CDKN2A: variants seen among roughly 807,000 people sequenced by gnomAD.
The protein encoded by CDKN2A is cyclin dependent kinase inhibitor 2A, also known as cyclin-dependent kinase inhibitor 2A.
CDKN2A carries 3 observed loss-of-function variants against 11.1 expected under a neutral mutation model. That is an observed-to-expected ratio of 0.27 (90% CI 0.12 to 0.70). The LOEUF is 0.70. Ranked by LOEUF, CDKN2A falls within the 30% of genes least tolerant of loss-of-function variation. The pLI, the probability that CDKN2A is intolerant of heterozygous loss-of-function variation, is 0.77. For missense variants in CDKN2A, 265 were observed against 233.6 expected, an observed-to-expected ratio of 1.13 and a Z score of -0.88; for synonymous variants, 122 against 108.1, an observed-to-expected ratio of 1.13 and a Z score of -0.80.
rs1391782562 is a variant in CDKN2A, at chr9:21,988,436, T to C, written c.-4+5446A>G. Among the ~76,000 whole-genome samples, 1 of 152,178 alleles carries C rather than the reference T, an allele frequency of 6.6e-6. No homozygotes were observed. Among genetic ancestry groups the C allele is most frequent in the African/African-American group, 2.4e-5 (1 of 41,442 alleles). On this transcript the variant is annotated intron_variant, in intron 2 of 3. Transcript: ENST00000494262. This position sits in a 1 kb window ranked among gnomAD's most constrained non-coding sequence, Gnocchi z 4.1. ...TTTCCCTTTTATTACTTCTTTTTGATTGTAGAGTTCTGCCCAAATGAAACC... is the reference window on the plus strand; with the variant it reads ...TTTCCCTTTTATTACTTCTTTTTGACTGTAGAGTTCTGCCCAAATGAAACC...
chr9:21,990,651 AAACTGTTT>A (rs1820411589), intron 2 of CDKN2A, among the ~76,000 whole-genome samples: 49 of 147,858 alleles, frequency 3.3e-4, no homozygotes, highest in African/African-American at 1.1e-3. Flanking sequence ...AGAGAGAGAG[AAACTGTTT>A]ACTGTTTGGA....
At chr9:21,975,667 T>A (rs1378064161), upstream of CDKN2A, among the ~76,000 whole-genome samples, 2 of 151,898 alleles carry the variant, frequency 1.3e-5, no homozygotes, top group Non-Finnish European at 2.9e-5. Context: ...AAAGATGAGG[T>A]TTATTTAATA....
intron 2 of CDKN2A, 53 bp downstream of exon 2, chr9:21,970,849 C>T (rs1455000578): frequency 6.3e-7 from 1 of 1,595,198 alleles, no homozygotes; most frequent in South Asian, 1.1e-5. Context: ...AAAATGAATG[C>T]TCTGAGCTTT....
chr9:21,971,550 T>G, intron 1 of CDKN2A: 5 of 318,482 alleles, frequency 1.6e-5, no homozygotes, highest in Non-Finnish European at 2.8e-5. Flanking sequence ...TGAAATTTCT[T>G]CCTGAAATTA....
At chr9:21,987,430 CACAGAGAG>C (rs1212663928) in intron 2 of CDKN2A, among the ~76,000 whole-genome samples, 1 of 121,208 alleles carries the variant, frequency 8.3e-6, no homozygotes, top group African/African-American at 3.1e-5. Context: ...CACACACACA[CACAGAGAG>C]AGAGAGAGAG....
chr9:21,981,777 T>A (rs1329362713), intron 2 of CDKN2A, among the ~76,000 whole-genome samples: 1 of 152,062 alleles, frequency 6.6e-6, no homozygotes, highest in East Asian at 1.9e-4. Context: ...TCGAGTCCAA[T>A]GTGGGTGGTA....
Position 21,988,803 on chromosome 9 carries a change from A to G in CDKN2A, c.-4+5079T>C, listed in dbSNP as rs1411940882. 1.3e-5 allele frequency among the ~76,000 whole-genome samples: 2 copies of G among 152,218 alleles called. No individual in the cohort carries two copies. The highest frequency in any genetic ancestry group is 4.8e-5 in the African/African-American group (2 of 41,444). ...GCACTATATTTTTAAAAATACCACT[A>G]TGTACAAGGCACTGTGCTATATCTG... On this transcript the variant is annotated intron_variant, in intron 2 of 3. Coordinates refer to the CDKN2A transcript ENST00000494262. This position sits in a 1 kb window ranked among gnomAD's most constrained non-coding sequence, Gnocchi z 4.1.
intron 2 of CDKN2A, 160 bp downstream of exon 2, chr9:21,970,742 G>C (rs1205266841): frequency 2.3e-6 from 2 of 874,614 alleles, no homozygotes; most frequent in Admixed American, 4.4e-5. Flanking sequence ...GCCCTGGCGG[G>C]GCAGGGCGAT....
At position 21,994,273 on chromosome 9, in the gene CDKN2A, AC is replaced by A. The variant is rs1563902931; in HGVS notation, c.-175-221del. On this transcript the variant is annotated intron_variant, in intron 1 of 3. Transcript: ENST00000494262. ...CGGGATGTGAACCACGAAAACCCTC[AC>A]TCGCGGCGGGCCGCACGCGCGCCGA... is the stretch of plus-strand genomic sequence containing the variant. 6.2e-7 allele frequency: 1 copy of A among 1,603,610 alleles called. No homozygotes were observed. The highest frequency in any genetic ancestry group is 8.5e-7 in the Non-Finnish European group (1 of 1,176,178).
In CDKN2A at chr9:21,974,668, C is replaced by G. The variant is rs557891718; in HGVS notation, c.150+10G>C. ...CCATCCCCTGCTCCCGCTGCAGACC[C>G]TCTACCCACCTGGATCGGCCTCCGA... On this transcript the variant is annotated intron_variant, in intron 1 of 2. Transcript: ENST00000304494. The surrounding 1 kb of genome is among the most constrained non-coding windows in gnomAD (Gnocchi z 5.2). The G allele has an allele frequency of 1.2e-6, 2 of 1,614,190 alleles. No homozygotes were observed. The highest frequency in any genetic ancestry group is 2.2e-5 in the South Asian group (2 of 91,088).
At chr9:21,981,658 G>A (rs1820201586) in intron 2 of CDKN2A, among the ~76,000 whole-genome samples, 1 of 144,504 alleles carries the variant, frequency 6.9e-6, no homozygotes, top group Admixed American at 7.0e-5. Context: ...TAGCTTCAAT[G>A]TCTTGATCTA....
chr9:21,992,275 C>T lies in CDKN2A; in HGVS notation c.-4+1607G>A, dbSNP rs3731192. The T allele has an allele frequency of 2.3e-5, 21 of 915,174 alleles. No homozygotes were observed. The African/African-American group carries it at 3.6e-4, about 16-fold the overall frequency. 56.7% of individuals were successfully genotyped at this position (915,174 alleles called of 1,614,324 possible). On this transcript the variant is annotated intron_variant, in intron 2 of 3. Transcript: ENST00000494262. ...CATATATATTCCCAAATCAATATAG[C>T]CATGGGCATAAAATATATTAATGTG...
chr9:21,992,940 A>T (rs1023731918), intron 2 of CDKN2A, among the ~76,000 whole-genome samples: 8 of 152,070 alleles, frequency 5.3e-5, no homozygotes, highest in African/African-American at 1.4e-4. Flanking sequence ...TGACTAAATT[A>T]AAAAAATTAA....
chr9:21,987,669 T>G (rs1273507470), intron 2 of CDKN2A, among the ~76,000 whole-genome samples: 1 of 152,118 alleles, frequency 6.6e-6, no homozygotes, highest in Admixed American at 6.5e-5. Context: ...AAGGGTCACA[T>G]AATAATAAAG....
chr9:21,968,118 G>A lies in CDKN2A; in HGVS notation c.*111C>T, dbSNP rs1819497202. The A allele has an allele frequency of 5.3e-6, 5 of 940,384 alleles. No homozygotes were observed. In the Admixed American group the frequency reaches 6.9e-5, roughly 13 times the overall value. The allele number at this position is 940,384 out of a possible 1,614,324, so 58.3% of individuals were successfully genotyped here. A position where few individuals can be genotyped will look rare whatever the true frequency, so the allele number is the denominator to read the frequency against. ...TTTTTAAAAGCTCTATTTTCTAAATGAAAACTACGAAAGCGGGGTGGGTTG... is the reference window on the plus strand; with the variant it reads ...TTTTTAAAAGCTCTATTTTCTAAATAAAAACTACGAAAGCGGGGTGGGTTG... On this transcript the variant is annotated 3_prime_UTR_variant, in exon 3 of 3. Transcript: ENST00000304494. The surrounding 1 kb of genome is among the most constrained non-coding windows in gnomAD (Gnocchi z 4.7).
At chr9:21,993,902 G>A (rs2131147109) in exon 2 of CDKN2A, 2 of 577,072 alleles carry the variant, frequency 3.5e-6, no homozygotes, top group East Asian at 6.1e-5. Context: ...GGTGGGTTTA[G>A]AAGCTCTGTT....
At chr9:21,971,422 C>A (rs1819742840) in intron 1 of CDKN2A, 2 of 1,422,576 alleles carry the variant, frequency 1.4e-6, no homozygotes, top group Non-Finnish European at 9.2e-7. Context: ...CGAACTTCTG[C>A]GGAGCTGTCG....
upstream of CDKN2A, among the ~76,000 whole-genome samples, chr9:21,977,977 T>C (rs1820080696): frequency 6.6e-6 from 1 of 152,210 alleles, no homozygotes. Context: ...GGTGTAAAAG[T>C]TGACTGCTTT....
rs1166121077 is a variant in CDKN2A at position 21,980,978 on chromosome 9, ATATATATACACG to A, written c.-3-9782_-3-9771del. Among the ~76,000 whole-genome samples the A allele has an allele frequency of 4.5e-5, 3 of 65,988 alleles. 1 individual carries two copies. The highest frequency in any genetic ancestry group is 1.9e-4 in the African/African-American group (3 of 15,808). The allele number at this position is 65,988 out of a possible 152,430, so 43.3% of individuals were successfully genotyped here. ...CGTCTCAAAAAAAAAAAATGTATAT[ATATATATACACG>A]TATATATATATACGTGTATATATAT... On this transcript the variant is annotated intron_variant, in intron 2 of 3. Transcript: ENST00000494262.
Sources: allele counts gnomAD v4.1 joint callset (sites outside exome capture counted in the v4.1 genomes callset), GRCh38; gene constraint gnomAD v4.1.1; non-coding constraint Gnocchi (gnomAD v3.1); transcripts MANE v1.5; gene names NCBI Gene and HGNC (gene_info 2026-07-23, HGNC 2026-07-21).